Variants in AGFG1 observed in about 807,000 individuals in gnomAD.
AGFG1 encodes arf-GAP domain and FG repeat-containing protein 1.
AGFG1 carries 10 observed loss-of-function variants against 60.6 expected under a neutral mutation model. The ratio of observed to expected loss-of-function variants is 0.16; its 90% CI spans 0.10 to 0.28. AGFG1 has a LOEUF of 0.28. AGFG1 is among the 10% of genes least tolerant of loss of function. The pLI is 1.00. For missense variants in AGFG1, 537 were observed against 676.5 expected (o/e 0.79, Z 2.29); for synonymous variants, 247 against 242.9 (o/e 1.02, Z -0.16).
At position 227,499,046 on chromosome 2, in the gene AGFG1, T is replaced by C. The variant is rs544744494; in HGVS notation, c.261+7406T>C. Among the ~76,000 whole-genome samples the C allele has an allele frequency of 9.2e-5, 14 of 152,318 alleles. No individual in the cohort carries two copies. In the East Asian group the frequency reaches 2.7e-3, roughly 29 times the overall value. On this transcript the variant is annotated intron_variant, in intron 2 of 12. Transcript: ENST00000310078. Reference sequence around the variant, plus strand: ...AATGTAACAAACTTCCATCAACACATGGCTGTCTTTTTATTATTTTTAAGC... The same window carrying C: ...AATGTAACAAACTTCCATCAACACACGGCTGTCTTTTTATTATTTTTAAGC...
chr2:227,553,892 G>T, intron 12 of AGFG1, 97 bp downstream of exon 12: 1 of 871,722 alleles, frequency 1.1e-6, no homozygotes. Context: ...GGTATTTGGT[G>T]TTATATTGAT....
intron 2 of AGFG1, among the ~76,000 whole-genome samples, chr2:227,513,878 G>A (rs140819588): frequency 6.6e-6 from 1 of 152,196 alleles, no homozygotes; most frequent in African/African-American, 2.4e-5. Context: ...TTTGAGTATT[G>A]CCAGTTTATT....
chr2:227,556,239 CT>C lies in AGFG1; in HGVS notation c.*1749del, dbSNP rs1284563868. 2.6e-5 allele frequency: 4 copies of C among 152,074 alleles called. No homozygotes were observed. The highest frequency in any genetic ancestry group is 7.2e-5 in the African/African-American group (3 of 41,396). 9.4% of individuals were successfully genotyped at this position (152,074 alleles called of 1,614,324 possible). A position where few individuals can be genotyped will look rare whatever the true frequency, so the allele number is the denominator to read the frequency against. On this transcript the variant is annotated 3_prime_UTR_variant, in exon 13 of 13. Coordinates refer to ENST00000310078, the MANE Select transcript of AGFG1 (RefSeq NM_004504.5). Reference sequence around the variant, plus strand: ...CAAACATTTTATTCATGTTGAATGCCTTTTTGCAATGATGACTGAGTTGTTA... The same window carrying C: ...CAAACATTTTATTCATGTTGAATGCCTTTTGCAATGATGACTGAGTTGTTA...
intron 2 of AGFG1, among the ~76,000 whole-genome samples, chr2:227,502,192 A>G (rs1334731330): frequency 6.6e-6 from 1 of 152,056 alleles, no homozygotes; most frequent in Admixed American, 6.6e-5. Flanking sequence ...ATGCACGTGG[A>G]TGCTTGTACT....
chr2:227,551,996 A>G lies in AGFG1; in HGVS notation c.1416A>G (p.Thr472=), dbSNP rs13426457. 0.74 allele frequency: 1,187,679 copies of G among 1,613,900 alleles called. 438,226 individuals carry two copies. Among genetic ancestry groups the G allele is most frequent in the South Asian group, 0.83 (75,869 of 91,062 alleles). The part of the protein sequence containing the change: ...TFGTASMSMP[T]GFGTPAPYSL... ...GCACTGCATCCATGAGCATGCCCAC[A>G]GGATTCGGCACTCCTGCTCCCTACA... Residue 472 remains threonine (T), a synonymous_variant, in exon 11 of 13, where the codon ACA becomes ACG. Transcript: ENST00000310078.
Position 227,540,153 on chromosome 2 carries a change from TTAAA to T in AGFG1, c.1378+3164_1378+3167del, listed in dbSNP as rs746667913. ...ACTTGGATCATTCTTAAAATGATGT[TTAAA>T]TAATCATTTTTTCTGGATTTATAAA... is the stretch of plus-strand genomic sequence containing the variant. On this transcript the variant is annotated intron_variant, in intron 10 of 12. Coordinates refer to ENST00000310078, the MANE Select transcript of AGFG1 (RefSeq NM_004504.5). Among the ~76,000 whole-genome samples, 9 of 152,096 alleles carry T rather than the reference TTAAA, an allele frequency of 5.9e-5. No homozygotes were observed. The East Asian group carries it at 1.2e-3, about 20-fold the overall frequency.
chr2:227,509,374 A>G (rs1691427031), intron 2 of AGFG1, among the ~76,000 whole-genome samples: 1 of 152,226 alleles, frequency 6.6e-6, no homozygotes, highest in Admixed American at 6.5e-5. Context: ...GTTCCACATT[A>G]AAAGAGACAA....
chr2:227,527,800 TACTC>T (rs1319398042), intron 5 of AGFG1, among the ~76,000 whole-genome samples: 1 of 152,228 alleles, frequency 6.6e-6, no homozygotes, highest in Non-Finnish European at 1.5e-5. Context: ...GGCTAAAGCT[TACTC>T]TTTTATTTGT....
chr2:227,528,833 T>C (rs1196031177), intron 5 of AGFG1, among the ~76,000 whole-genome samples: 1 of 152,196 alleles, frequency 6.6e-6, no homozygotes, highest in Non-Finnish European at 1.5e-5. Context: ...AAATGCACTT[T>C]GAAAACAATA....
At chr2:227,491,015 A>G (rs1690801431) in intron 1 of AGFG1, among the ~76,000 whole-genome samples, 1 of 152,230 alleles carries the variant, frequency 6.6e-6, no homozygotes, top group Middle Eastern at 3.4e-3. Flanking sequence ...TCTTACTTGA[A>G]TTGATGGCAA....
chr2:227,487,193 A>G lies in AGFG1; in HGVS notation c.168-4354A>G, dbSNP rs145675870. ...CACATTCATAAAGCCAAGACTAAAA[A>G]TCTAAATTTTTGGAATACTACTGCT... On this transcript the variant is annotated intron_variant, in intron 1 of 12. Transcript: ENST00000310078. 2.8e-3 allele frequency among the ~76,000 whole-genome samples: 434 copies of G among 152,290 alleles called. 1 individual carries two copies. The highest frequency in any genetic ancestry group is 4.6e-3 in the Non-Finnish European group (315 of 68,020).
intron 5 of AGFG1, among the ~76,000 whole-genome samples, 173 bp downstream of exon 5, chr2:227,525,088 A>G (rs1255774805): frequency 1.3e-5 from 2 of 152,008 alleles, no homozygotes; most frequent in Non-Finnish European, 2.9e-5. Flanking sequence ...TTTTAATCAC[A>G]GAAGAGATTA....
At chr2:227,549,992 T>G (rs1401646816) in intron 10 of AGFG1, 1 of 436,592 alleles carries the variant, frequency 2.3e-6, no homozygotes, top group African/African-American at 2.1e-5. Flanking sequence ...GAAACAAGTA[T>G]ACTTTTATTT....
In AGFG1 at chr2:227,539,457, A is replaced by AAAAAAAAAAAC. The variant is rs139764867; in HGVS notation, c.1378+2464_1378+2465insAAAAAAAAAAC. Reference sequence around the variant, plus strand: ...GACTCTGTCTCAAAAAAAACAAAAAACACATGTTAACACTGTGAAATTATA... The same window carrying AAAAAAAAAAAC: ...GACTCTGTCTCAAAAAAAACAAAAAAAAAAAAAAAACCACATGTTAACACTGTGAAATTATA... On this transcript the variant is annotated intron_variant, in intron 10 of 12. Coordinates refer to ENST00000310078, the MANE Select transcript of AGFG1 (RefSeq NM_004504.5). 7.2e-4 allele frequency among the ~76,000 whole-genome samples: 94 copies of AAAAAAAAAAAC among 129,964 alleles called. 8 individuals carry two copies. Among genetic ancestry groups the AAAAAAAAAAAC allele is most frequent in the African/African-American group, 1.2e-3 (43 of 34,700 alleles). 85.3% of individuals were successfully genotyped at this position (129,964 alleles called of 152,430 possible).
In AGFG1 at chr2:227,524,971, C is replaced by T. The variant is rs184331433; in HGVS notation, c.694+56C>T. ...GGGATGCATATAAAACACCAAGAAACATCAATTCTTTATCACACTTTGAGG... is the reference window on the plus strand; with the variant it reads ...GGGATGCATATAAAACACCAAGAAATATCAATTCTTTATCACACTTTGAGG... On this transcript the variant is annotated intron_variant, in intron 5 of 12. Coordinates refer to ENST00000310078, the MANE Select transcript of AGFG1 (RefSeq NM_004504.5). 165 of 1,584,628 alleles carry T rather than the reference C, an allele frequency of 1.0e-4. No individual in the cohort carries two copies. The Admixed American group carries it at 2.8e-3, about 27-fold the overall frequency.
At chr2:227,497,761 T>TTTTTG (rs546987888) in intron 2 of AGFG1, among the ~76,000 whole-genome samples, 813 of 65,038 alleles carry the variant, frequency 0.013, 52 homozygotes, top group Non-Finnish European at 0.019. Flanking sequence ...TTTTTTTTTT[T>TTTTTG]GGGGACGGAG....
In AGFG1 at chr2:227,555,928, A is replaced by G. The variant is rs929953021; in HGVS notation, c.*1433A>G. On this transcript the variant is annotated 3_prime_UTR_variant, in exon 13 of 13. Transcript: ENST00000310078. ...ATTTAATTATTTGCTTGTCCAGACT[A>G]TAGCATATTAGCTGTTTAGAAGGGA... 6.6e-6 allele frequency: 1 copy of G among 152,224 alleles called. No individual in the cohort carries two copies. The highest frequency in any genetic ancestry group is 6.5e-5 in the Admixed American group (1 of 15,284). The allele number at this position is 152,224 out of a possible 1,614,324, so 9.4% of individuals were successfully genotyped here. A position where few individuals can be genotyped will look rare whatever the true frequency, so the allele number is the denominator to read the frequency against.
intron 1 of AGFG1, among the ~76,000 whole-genome samples, chr2:227,480,182 A>G (rs943896855): frequency 6.6e-6 from 1 of 152,190 alleles, no homozygotes; most frequent in Non-Finnish European, 1.5e-5. Context: ...CTTAAAGAAG[A>G]AAAGATTAGA....
intron 10 of AGFG1, among the ~76,000 whole-genome samples, chr2:227,549,504 C>T (rs1692756383): frequency 6.6e-6 from 1 of 152,084 alleles, no homozygotes; most frequent in Admixed American, 6.6e-5. Flanking sequence ...GTATTTTAAC[C>T]TGTAAATACC....
Sources: allele counts gnomAD v4.1 joint callset (sites outside exome capture counted in the v4.1 genomes callset), GRCh38; gene constraint gnomAD v4.1.1; transcripts MANE v1.5; gene names NCBI Gene and HGNC (gene_info 2026-07-23, HGNC 2026-07-21).